ANO10: variants seen among roughly 807,000 people sequenced by gnomAD.
The protein encoded by ANO10 is anoctamin-10.
Under a neutral mutation model 74.7 loss-of-function variants are expected in ANO10, and 77 were observed. That is an observed-to-expected ratio of 1.03 (90% CI 0.86 to 1.25). The LOEUF (loss-of-function observed/expected upper bound fraction) is 1.25, where lower values mean the gene tolerates loss of function less well. Ranked by LOEUF, ANO10 falls within the 50% of genes most tolerant of loss-of-function variation. The probability of loss-of-function intolerance (pLI) is 0.00; values close to 1 mark genes in which losing one functional copy is unlikely to be tolerated. For synonymous variants in ANO10, 279 were observed against 284.9 expected, an observed-to-expected ratio of 0.98 and a Z score of 0.21; for missense variants, 721 against 778.1, an observed-to-expected ratio of 0.93 and a Z score of 0.87.
chr3:43,609,928 G>C (rs2082731658), intron 1 of ANO10, among the ~76,000 whole-genome samples: 1 of 152,068 alleles, frequency 6.6e-6, no homozygotes, highest in South Asian at 2.1e-4. Context: ...GAATGTGAAG[G>C]CCTAAGACAT....
At chr3:43,470,255 C>A (rs2075796807) in intron 11 of ANO10, among the ~76,000 whole-genome samples, 1 of 152,182 alleles carries the variant, frequency 6.6e-6, no homozygotes. Flanking sequence ...CTGAATGATT[C>A]CAACATTCTG....
At chr3:43,412,983 G>A (rs533966135) in intron 12 of ANO10, among the ~76,000 whole-genome samples, 21 of 152,256 alleles carry the variant, frequency 1.4e-4, no homozygotes, top group African/African-American at 4.3e-4. Flanking sequence ...CCCAGGAGGC[G>A]GAGGTTGCAG....
chr3:43,674,808 G>A (rs1192682415), intron 1 of ANO10, among the ~76,000 whole-genome samples: 1 of 152,096 alleles, frequency 6.6e-6, no homozygotes, highest in Non-Finnish European at 1.5e-5. Context: ...CAGAGTGGCT[G>A]GTCTTTTATG....
intron 9 of ANO10, among the ~76,000 whole-genome samples, chr3:43,559,639 G>A (rs890315962): frequency 1.3e-5 from 2 of 151,990 alleles, no homozygotes; most frequent in Non-Finnish European, 2.9e-5. Flanking sequence ...CAAAGATGAG[G>A]GGGGATGGAA....
chr3:43,476,104 T>C (rs1208348808), intron 11 of ANO10, among the ~76,000 whole-genome samples: 5 of 152,230 alleles, frequency 3.3e-5, no homozygotes, highest in Admixed American at 1.3e-4. Flanking sequence ...TTTGCTCATA[T>C]TGTCATTTTA....
rs1375874316 is a variant in ANO10 at position 43,580,887 on chromosome 3, G to C, written c.473-415C>G. On this transcript the variant is annotated intron_variant, in intron 4 of 12. Coordinates refer to ENST00000292246, the MANE Select transcript of ANO10 (RefSeq NM_018075.5). ...ATCTTTTCTCATGTAGTAGTATACA[G>C]TGAATATTTTTTGATGCCAGTAAAA... Among the ~76,000 whole-genome samples the C allele has an allele frequency of 3.3e-5, 5 of 152,116 alleles. No homozygotes were observed. In the East Asian group the frequency reaches 7.7e-4, roughly 23 times the overall value.
At chr3:43,660,217 GCAAGAGAACAAAA>G (rs1331210876) in intron 1 of ANO10, among the ~76,000 whole-genome samples, 1 of 152,124 alleles carries the variant, frequency 6.6e-6, no homozygotes, top group Non-Finnish European at 1.5e-5. Flanking sequence ...CTCCTCGCCA[GCAAGAGAACAAAA>G]CTGGATGGAG....
At chr3:43,418,014 C>T (rs532197717) in intron 12 of ANO10, among the ~76,000 whole-genome samples, 6 of 152,342 alleles carry the variant, frequency 3.9e-5, no homozygotes, top group Admixed American at 2.0e-4. Flanking sequence ...CGCAGTGGCT[C>T]ACGCCTGTAA....
At chr3:43,556,502 T>G (rs3772159) in intron 9 of ANO10, among the ~76,000 whole-genome samples, 1 of 152,218 alleles carries the variant, frequency 6.6e-6, no homozygotes, top group African/African-American at 2.4e-5. Context: ...TGAGTGATGA[T>G]AGCTACACGT....
upstream of ANO10, among the ~76,000 whole-genome samples, chr3:43,624,170 T>C (rs2083472683): frequency 6.6e-6 from 1 of 152,212 alleles, no homozygotes. Context: ...TAGATCCCTA[T>C]ATAGTAGTCC....
chr3:43,421,521 C>CA (rs1225660882), intron 12 of ANO10, among the ~76,000 whole-genome samples: 1 of 151,130 alleles, frequency 6.6e-6, no homozygotes, highest in Non-Finnish European at 1.5e-5. Context: ...CATCCTGTCT[C>CA]AAAAAATAAA....
chr3:43,595,041 CA>C (rs1198179826), intron 4 of ANO10, among the ~76,000 whole-genome samples: 1 of 152,046 alleles, frequency 6.6e-6, no homozygotes, highest in Non-Finnish European at 1.5e-5. Flanking sequence ...TGGACACATA[CA>C]CCCTCCCAAG....
At position 43,614,771 on chromosome 3, in the gene ANO10, C is replaced by CTATATATATATA. The variant is rs61084802; in HGVS notation, c.-12+7126_-12+7137dup. Among the ~76,000 whole-genome samples the CTATATATATATA allele has an allele frequency of 3.2e-3, 170 of 52,668 alleles. 12 individuals are homozygous for CTATATATATATA. The highest frequency in any genetic ancestry group is 5.0e-3 in the African/African-American group (103 of 20,480). 34.6% of individuals were successfully genotyped at this position (52,668 alleles called of 152,430 possible). A position where few individuals can be genotyped will look rare whatever the true frequency, so the allele number is the denominator to read the frequency against. ...CCCAAATTCTTAGAAGAAAACTAAA[C>CTATATATATATA]TATATATATATATATATATATATAT... On this transcript the variant is annotated intron_variant, in intron 1 of 12. Transcript: ENST00000292246.
chr3:43,509,581 C>T (rs941411474), intron 11 of ANO10, among the ~76,000 whole-genome samples: 3 of 152,184 alleles, frequency 2.0e-5, no homozygotes, highest in Non-Finnish European at 4.4e-5. Context: ...AACTAGATCA[C>T]TCACACATTG....
chr3:43,596,680 T>C (rs956882062), intron 4 of ANO10, among the ~76,000 whole-genome samples: 1 of 152,114 alleles, frequency 6.6e-6, no homozygotes, highest in African/African-American at 2.4e-5. Context: ...ACCTAGGCAA[T>C]ACCATTCAGG....
chr3:43,595,308 A>C (rs543708410), intron 4 of ANO10, among the ~76,000 whole-genome samples: 2 of 152,124 alleles, frequency 1.3e-5, no homozygotes, highest in African/African-American at 4.8e-5. Flanking sequence ...GAGACACAAC[A>C]AAAAAAGAGA....
At chr3:43,528,169 C>T (rs2078291357) in intron 11 of ANO10, among the ~76,000 whole-genome samples, 1 of 150,544 alleles carries the variant, frequency 6.6e-6, no homozygotes, top group Admixed American at 6.7e-5. Context: ...ACAAGAGCTA[C>T]TATTGCTAGT....
intron 11 of ANO10, among the ~76,000 whole-genome samples, chr3:43,516,067 T>C (rs72865040): frequency 0.02 from 3,009 of 152,220 alleles, 97 homozygotes; most frequent in African/African-American, 0.068. Flanking sequence ...AACACCCCAA[T>C]TGAGCACCAA....
intron 1 of ANO10, among the ~76,000 whole-genome samples, chr3:43,679,822 G>C (rs2084171221): frequency 6.6e-6 from 1 of 152,174 alleles, no homozygotes; most frequent in South Asian, 2.1e-4. Flanking sequence ...TGATACCCAG[G>C]CAAACAGGGT....
Sources: allele counts gnomAD v4.1 joint callset (sites outside exome capture counted in the v4.1 genomes callset), GRCh38; gene constraint gnomAD v4.1.1; transcripts MANE v1.5; gene names NCBI Gene and HGNC (gene_info 2026-07-23, HGNC 2026-07-21).